Variants in SPOCK1 observed in about 807,000 individuals in gnomAD.
SPOCK1 encodes SPARC (osteonectin), cwcv and kazal like domains proteoglycan 1.
A neutral mutation model predicts 55.3 loss-of-function variants in SPOCK1; 23 were observed. The ratio of observed to expected loss-of-function variants is 0.42; its 90% confidence interval spans 0.30 to 0.59. The LOEUF is 0.59. SPOCK1 is among the 20% of genes least tolerant of loss of function. SPOCK1 has a pLI of 0.22. For synonymous variants in SPOCK1, 226 were observed against 221.0 expected (o/e 1.02, Z -0.20); for missense variants, 499 against 552.5 (o/e 0.90, Z 0.97).
At chr5:137,112,368 A>T in intron 5 of SPOCK1, 67 bp downstream of exon 5, 1 of 1,570,308 alleles carries the variant, frequency 6.4e-7, no homozygotes, top group Non-Finnish European at 8.6e-7. Context: ...CAGTTTTGGC[A>T]TAGAGAAGTG....
chr5:137,032,035 TATATATA>T (rs1262249751), intron 6 of SPOCK1, among the ~76,000 whole-genome samples: 1 of 148,048 alleles, frequency 6.8e-6, no homozygotes, highest in Non-Finnish European at 1.5e-5. Flanking sequence ...ATTCCCCATA[TATATATA>T]ATATATAATA....
At chr5:137,080,034 A>G (rs1213318574) in intron 5 of SPOCK1, among the ~76,000 whole-genome samples, 2 of 152,216 alleles carry the variant, frequency 1.3e-5, no homozygotes, top group African/African-American at 2.4e-5. Context: ...GTATATTTCT[A>G]TTCTTCACAG....
chr5:137,358,529 G>C (rs1299596317), intron 2 of SPOCK1, among the ~76,000 whole-genome samples: 1 of 150,308 alleles, frequency 6.7e-6, no homozygotes, highest in Non-Finnish European at 1.5e-5. Flanking sequence ...GTGGAGGAGT[G>C]GGGGAAGGAA....
intron 2 of SPOCK1, among the ~76,000 whole-genome samples, chr5:137,289,322 G>A (rs962093693): frequency 6.6e-6 from 1 of 152,080 alleles, no homozygotes; most frequent in Non-Finnish European, 1.5e-5. Flanking sequence ...AAGGGAAAAT[G>A]GTTAAAGGAA....
At chr5:137,492,748 G>C (rs1413073766) in intron 2 of SPOCK1, among the ~76,000 whole-genome samples, 1 of 152,224 alleles carries the variant, frequency 6.6e-6, no homozygotes, top group Non-Finnish European at 1.5e-5. Context: ...CTGCGAGAGT[G>C]CCAGACTGCT....
intron 5 of SPOCK1, among the ~76,000 whole-genome samples, chr5:137,102,893 CT>C (rs1753296199): frequency 6.6e-6 from 1 of 152,156 alleles, no homozygotes; most frequent in African/African-American, 2.4e-5. Context: ...TCAATAATTA[CT>C]GTTTTTCTGT....
intron 3 of SPOCK1, among the ~76,000 whole-genome samples, chr5:137,157,170 G>A (rs1754432522): frequency 6.6e-6 from 1 of 152,016 alleles, no homozygotes; most frequent in Non-Finnish European, 1.5e-5. Flanking sequence ...GCACTACCTA[G>A]AGCTCCATAA....
intron 1 of SPOCK1, 96 bp from the exon 2 acceptor site, chr5:137,498,654 G>A (rs1266070485): frequency 9.2e-7 from 1 of 1,081,732 alleles, no homozygotes; most frequent in Non-Finnish European, 1.1e-6. Flanking sequence ...CGGAGGCGGG[G>A]ACCCCGCGGC....
intron 2 of SPOCK1, among the ~76,000 whole-genome samples, chr5:137,426,286 T>C (rs890207096): frequency 1.3e-5 from 2 of 152,180 alleles, no homozygotes; most frequent in African/African-American, 2.4e-5. Flanking sequence ...TTTTTACATA[T>C]CAACTGCAGT....
At chr5:137,108,341 C>T (rs1394760714) in intron 5 of SPOCK1, among the ~76,000 whole-genome samples, 1 of 152,218 alleles carries the variant, frequency 6.6e-6, no homozygotes, top group Non-Finnish European at 1.5e-5. Context: ...AATCAAAACA[C>T]AGCTTCAGAT....
At chr5:137,342,087 C>G (rs1750443731) in intron 2 of SPOCK1, among the ~76,000 whole-genome samples, 1 of 152,200 alleles carries the variant, frequency 6.6e-6, no homozygotes, top group African/African-American at 2.4e-5. Context: ...TGTATGTGAT[C>G]AGACATACTC....
At chr5:137,476,468 G>C (rs891492075) in intron 2 of SPOCK1, among the ~76,000 whole-genome samples, 3 of 152,170 alleles carry the variant, frequency 2.0e-5, no homozygotes, top group African/African-American at 7.2e-5. Flanking sequence ...TCTAGAAGGT[G>C]GAAGGAATAG....
At chr5:137,175,565 AG>A (rs1754838169) in intron 3 of SPOCK1, among the ~76,000 whole-genome samples, 1 of 152,212 alleles carries the variant, frequency 6.6e-6, no homozygotes, top group African/African-American at 2.4e-5. Context: ...ACTAGTTAAA[AG>A]CTCAGGCTTT....
intron 2 of SPOCK1, among the ~76,000 whole-genome samples, chr5:137,408,681 A>T (rs1752149649): frequency 6.6e-6 from 1 of 152,128 alleles, no homozygotes; most frequent in Non-Finnish European, 1.5e-5. Context: ...TAACTGCATA[A>T]CTCTTAAGGC....
intron 6 of SPOCK1, among the ~76,000 whole-genome samples, chr5:137,023,808 G>C (rs903080933): frequency 1.3e-5 from 2 of 152,072 alleles, no homozygotes; most frequent in Admixed American, 1.3e-4. Context: ...AAGCTGATTT[G>C]TCTCTTTCAA....
At chr5:137,267,079 CA>C (rs766695043) in intron 2 of SPOCK1, 24 bp from the exon 3 acceptor site, 1 of 1,604,462 alleles carries the variant, frequency 6.2e-7, no homozygotes, top group South Asian at 1.1e-5. Context: ...AAATAGAAAA[CA>C]AAGGTCAGAG....
intron 3 of SPOCK1, among the ~76,000 whole-genome samples, chr5:137,166,932 G>T (rs1238779524): frequency 1.3e-5 from 2 of 151,944 alleles, no homozygotes; most frequent in African/African-American, 2.4e-5. Context: ...CAACCAGGAG[G>T]CAAATAGCAA....
intron 2 of SPOCK1, among the ~76,000 whole-genome samples, chr5:137,339,644 T>C (rs573701767): frequency 3.9e-5 from 6 of 152,288 alleles, no homozygotes; most frequent in African/African-American, 1.4e-4. Flanking sequence ...CAGTTTTTTT[T>C]CAATCAGTAT....
intron 3 of SPOCK1, among the ~76,000 whole-genome samples, chr5:137,141,983 A>T (rs1754107224): frequency 6.6e-6 from 1 of 152,216 alleles, no homozygotes; most frequent in African/African-American, 2.4e-5. Context: ...GCACATGCTC[A>T]TCATTGGCAC....
Sources: allele counts gnomAD v4.1 joint callset (sites outside exome capture counted in the v4.1 genomes callset), GRCh38; gene constraint gnomAD v4.1.1; transcripts MANE v1.5; gene names NCBI Gene and HGNC (gene_info 2026-07-23, HGNC 2026-07-21).